PAX6: variants seen among roughly 807,000 people sequenced by gnomAD.
The protein encoded by PAX6 is paired box protein Pax-6.
A neutral mutation model predicts 60.7 loss-of-function variants in PAX6; 7 were observed. The ratio of observed to expected loss-of-function variants is 0.12; its 90% CI spans 0.07 to 0.22. The LOEUF is 0.22. Ranked by LOEUF, PAX6 falls within the 10% of genes least tolerant of loss-of-function variation. PAX6 has a pLI of 1.00. For synonymous variants in PAX6, 208 were observed against 201.2 expected (o/e 1.03, Z -0.29); for missense variants, 355 against 555.2 (o/e 0.64, Z 3.62).
rs1025950168 is a variant in PAX6 at position 31,793,655 on chromosome 11, G to A, written c.955C>T (p.Pro319Ser). 1.2e-6 allele frequency: 2 copies of A among 1,614,188 alleles called. No individual in the cohort carries two copies. Among genetic ancestry groups the A allele is most frequent in the African/African-American group, 2.7e-5 (2 of 75,056 alleles). ...VYQPIPQPTT[P>S]VSSFTSGSML... ...TAGTATTAGTATTTCAAATTACCCG[G>A]TGTGGTGGGTTGTGGAATTGGTTGG... Residue 319 changes from proline to serine, a missense_variant, in exon 11 of 14, where the codon CCG (proline) becomes TCG (serine). Physicochemically the swap from Pro to Ser is moderately conservative, Grantham distance 74. Around this residue, in one of 5 missense-constraint regions of PAX6, gnomAD observed 149 missense variants for 191.9 expected, o/e 0.78. Coordinates refer to ENST00000640368, the MANE Select transcript of PAX6 (RefSeq NM_001368894.2).
upstream of PAX6, among the ~76,000 whole-genome samples, chr11:31,815,288 GT>G (rs1409416525): frequency 6.6e-6 from 1 of 152,160 alleles, no homozygotes; most frequent in Non-Finnish European, 1.5e-5. Flanking sequence ...TCATCACCCT[GT>G]GACGATCCCC....
At chr11:31,798,292 A>G (rs370871576) in intron 8 of PAX6, among the ~76,000 whole-genome samples, 37 of 152,110 alleles carry the variant, frequency 2.4e-4, no homozygotes, top group African/African-American at 8.2e-4. Flanking sequence ...GGCTGGATAG[A>G]GTTGTCTCTT....
At chr11:31,790,335 A>G in intron 13 of PAX6, 1 of 742,104 alleles carries the variant, frequency 1.3e-6, no homozygotes, top group Non-Finnish European at 1.9e-6. Flanking sequence ...CCAATGTGTC[A>G]CTTTTTATTT....
At chr11:31,806,093 G>A (rs1955713314) in intron 4 of PAX6, 5 of 433,808 alleles carry the variant, frequency 1.2e-5, no homozygotes, top group Non-Finnish European at 2.0e-5. Flanking sequence ...CAGAGCCCGG[G>A]CAGGGGCGAG....
At chr11:31,803,735 A>C (rs565255237) in intron 4 of PAX6, 113 of 152,838 alleles carry the variant, frequency 7.4e-4, no homozygotes, top group African/African-American at 2.6e-3. Context: ...CCCTTAGCCA[A>C]GGATAGATAT....
chr11:31,793,622 T>G, intron 11 of PAX6, 30 bp downstream of exon 11: 1 of 1,614,032 alleles, frequency 6.2e-7, no homozygotes, highest in Non-Finnish European at 8.5e-7. Flanking sequence ...TTTAAAGACA[T>G]TGATTCGTAG....
intron 8 of PAX6, 34 bp downstream of exon 8, chr11:31,800,657 T>C (rs1953431508): frequency 6.2e-7 from 1 of 1,612,548 alleles, no homozygotes; most frequent in African/African-American, 1.3e-5. Context: ...GATGCACATA[T>C]GGAGAGCTGC....
intron 9 of PAX6, 190 bp downstream of exon 9, chr11:31,794,416 CACACCACACACACACACACACACA>C: frequency 9.8e-6 from 5 of 511,704 alleles, no homozygotes; most frequent in East Asian, 3.2e-5. Context: ...CACACACACA[CACACCACACACACACACACACACA>C]CACACACACA....
intron 1 of PAX6, chr11:31,816,517 C>T: frequency 2.8e-6 from 2 of 702,486 alleles, no homozygotes; most frequent in Middle Eastern, 4.6e-4. Context: ...GGAGGAGGCC[C>T]GAGGATGGCT....
upstream of PAX6, chr11:31,812,381 G>A: frequency 1.3e-5 from 2 of 154,694 alleles, no homozygotes; most frequent in East Asian, 1.9e-4. Flanking sequence ...TGTCGTGTGT[G>A]CCACCGGTCA....
chr11:31,807,458 C>T (rs1339180015), intron 2 of PAX6: 1 of 152,224 alleles, frequency 6.6e-6, no homozygotes, highest in African/African-American at 2.4e-5. Flanking sequence ...CTACTCCTCT[C>T]CCTACACCAA....
chr11:31,817,074 C>T (rs1957416474), intron 1 of PAX6, among the ~76,000 whole-genome samples: 4 of 152,256 alleles, frequency 2.6e-5, no homozygotes, highest in Admixed American at 2.6e-4. Context: ...CCGGGCTTGG[C>T]GGCCCGGCTC....
rs1343011650 is a variant in PAX6, at chr11:31,794,121, G to A, written c.725-7C>T. 4 of 1,589,164 alleles carry A rather than the reference G, an allele frequency of 2.5e-6. No individual in the cohort carries two copies. Among genetic ancestry groups the A allele is most frequent in the African/African-American group, 2.7e-5 (2 of 74,398 alleles). On this transcript the variant is annotated splice_polypyrimidine_tract_variant and splice_region_variant and intron_variant, in intron 9 of 13. Transcript: ENST00000640368. ...TAATGGGTTCTCTCAAACTCTGAAA[G>A]AGTAAGTTGATTTTCCATATTGTGC...
intron 4 of PAX6, chr11:31,803,071 C>T (rs918910022): frequency 1.1e-5 from 6 of 563,346 alleles, no homozygotes; most frequent in African/African-American, 5.9e-5. Flanking sequence ...TAAAGGACAA[C>T]AGGACCACCA....
chr11:31,811,081 G>C (rs1956968167), intron 1 of PAX6, 34 bp downstream of exon 1: 1 of 399,286 alleles, frequency 2.5e-6, no homozygotes, highest in Non-Finnish European at 4.4e-6. Flanking sequence ...GAGATAAAGA[G>C]TGTGGGTGAG....
chr11:31,789,263 C>T lies in PAX6; in HGVS notation c.*671G>A. The stretch of plus-strand genomic sequence containing the variant: ...GATTTCTAGGGAAGACAAATACTTA[C>T]ATTTTGACATAAAACAAATTGGATT... On this transcript the variant is annotated 3_prime_UTR_variant, in exon 14 of 14. Transcript: ENST00000640368. The T allele has an allele frequency of 4.6e-6, 1 of 218,100 alleles. No homozygotes were observed. The highest frequency in any genetic ancestry group is 1.5e-3 in the Middle Eastern group (1 of 672). The allele number at this position is 218,100 out of a possible 1,614,324, so 13.5% of individuals were successfully genotyped here.
In PAX6 at chr11:31,801,634, G is replaced by A. The variant is rs758828833; in HGVS notation, c.326C>T (p.Pro109Leu). 1 of 1,614,078 alleles carries A rather than the reference G, an allele frequency of 6.2e-7. No individual in the cohort carries two copies. Among genetic ancestry groups the A allele is most frequent in the Admixed American group, 1.7e-5 (1 of 60,010 alleles). ...SKIAQYKREC[P>L]SIFAWEIRDR... ...TCGGATTTCCCAAGCAAAGATGGAC[G>A]GGCACTCCCGCTTATACTGGGCTAT... The change falls in exon 7 of 14, where the codon CCG becomes CTG. Residue 109 changes from proline (P) to leucine (L), a missense_variant. By Grantham distance (98) the Pro-to-Leu change is moderately conservative. Transcript: ENST00000640368.
intron 5 of PAX6, 31 bp downstream of exon 5, chr11:31,802,673 G>A (rs1310054306): frequency 8.7e-6 from 14 of 1,601,598 alleles, no homozygotes; most frequent in Non-Finnish European, 1.1e-5. Flanking sequence ...GGCCGCGGGG[G>A]CGGCGAGTGG....
At chr11:31,793,612 T>C (rs1252808519) in intron 11 of PAX6, 40 bp downstream of exon 11, 1 of 1,613,882 alleles carries the variant, frequency 6.2e-7, no homozygotes, top group Admixed American at 1.7e-5. Flanking sequence ...AGCAAACAGG[T>C]TTAAAGACAT....
Sources: allele counts gnomAD v4.1 joint callset (sites outside exome capture counted in the v4.1 genomes callset), GRCh38; gene constraint gnomAD v4.1.1; regional missense constraint gnomAD v4.1.1; transcripts MANE v1.5; gene names NCBI Gene and HGNC (gene_info 2026-07-23, HGNC 2026-07-21).